ZNF469: variants seen among roughly 807,000 people sequenced by gnomAD.
ZNF469 encodes zinc finger protein 469.
A neutral mutation model predicts 1.0 loss-of-function variants in ZNF469; 1 was observed. The observed-to-expected ratio is 1.00, with a 90% CI of 0.35 to 4.73. The LOEUF is 4.73. Ranked by LOEUF, ZNF469 falls within the 30% of genes most tolerant of loss-of-function variation. The pLI is 0.16. For synonymous variants in ZNF469, 2,703 were observed against 2,363.4 expected (o/e 1.14, Z -4.17); for missense variants, 6,100 against 5,356.3 (o/e 1.14, Z -4.33).
chr16:88,153,304 C>A, the ZNF469 span, among the ~76,000 whole-genome samples: 1 of 152,192 alleles, frequency 6.6e-6, no homozygotes, highest in Non-Finnish European at 1.5e-5. Context: ...GGGCTCCACA[C>A]TGAGCACCCT....
the ZNF469 span, among the ~76,000 whole-genome samples, chr16:88,109,794 C>T: frequency 1.1e-4 from 17 of 152,142 alleles, no homozygotes; most frequent in Non-Finnish European, 2.4e-4. Context: ...CGTCTGTGTC[C>T]ACGCTGTCTC....
At chr16:88,365,058 T>C in the ZNF469 span, among the ~76,000 whole-genome samples, 1 of 152,218 alleles carries the variant, frequency 6.6e-6, no homozygotes, top group East Asian at 1.9e-4. Flanking sequence ...TTATTTCAAA[T>C]GGTATCAATT....
intron 1 of ZNF469, among the ~76,000 whole-genome samples, chr16:88,385,881 G>T (rs1195138758): frequency 6.6e-6 from 1 of 152,174 alleles, no homozygotes; most frequent in Non-Finnish European, 1.5e-5. Flanking sequence ...CCTGGCACAG[G>T]CCTGGCACAC....
the ZNF469 span, among the ~76,000 whole-genome samples, chr16:88,327,285 C>G: frequency 6.6e-6 from 1 of 152,150 alleles, no homozygotes; most frequent in Non-Finnish European, 1.5e-5. Flanking sequence ...TCTCCATCCA[C>G]TCAGCCTCAC....
the ZNF469 span, among the ~76,000 whole-genome samples, chr16:88,167,995 G>A: frequency 1.3e-5 from 2 of 152,384 alleles, no homozygotes; most frequent in East Asian, 3.9e-4. Flanking sequence ...ATGCAGTTTG[G>A]CGGGCGGGTC....
Position 88,439,398 on chromosome 16 carries a change from C to A in ZNF469, c.*66C>A. 6.6e-7 allele frequency: 1 copy of A among 1,520,486 alleles called. No individual in the cohort carries two copies. Among genetic ancestry groups the A allele is most frequent in the Non-Finnish European group, 8.9e-7 (1 of 1,121,172 alleles). The allele number at this position is 1,520,486 out of a possible 1,614,324, so 94.2% of individuals were successfully genotyped here. A position where few individuals can be genotyped will look rare whatever the true frequency, so the allele number is the denominator to read the frequency against. ...TGTCTCGGCCTGCCTCCTTGGCCAG[C>A]TCCGGCTCCCTGAGATGGTCCACTC... On this transcript the variant is annotated 3_prime_UTR_variant, in exon 3 of 3. Transcript: ENST00000565624.
chr16:88,330,546 G>T, the ZNF469 span, among the ~76,000 whole-genome samples: 2 of 152,222 alleles, frequency 1.3e-5, no homozygotes, highest in Non-Finnish European at 2.9e-5. Flanking sequence ...GCATGTCTTT[G>T]GTTCTCACTG....
the ZNF469 span, among the ~76,000 whole-genome samples, chr16:88,205,959 G>T: frequency 6.6e-6 from 1 of 152,120 alleles, no homozygotes; most frequent in Admixed American, 6.5e-5. The surrounding 1 kb of genome is among the most constrained non-coding windows in gnomAD (Gnocchi z 4.2). Context: ...CAGAGGAAGG[G>T]GGGGGCCCAG....
the ZNF469 span, among the ~76,000 whole-genome samples, chr16:88,280,334 C>T: frequency 4.0e-5 from 6 of 151,762 alleles, no homozygotes; most frequent in Middle Eastern, 3.2e-3. Context: ...GTTAGTGCTG[C>T]GCTACGCCGA....
chr16:88,423,675 C>T (rs1345302990), intron 1 of ZNF469, among the ~76,000 whole-genome samples: 1 of 152,204 alleles, frequency 6.6e-6, no homozygotes, highest in East Asian at 1.9e-4. Flanking sequence ...AAAGGCCCAA[C>T]GGAGTCTGGG....
At chr16:88,247,584 A>G in the ZNF469 span, among the ~76,000 whole-genome samples, 2 of 135,988 alleles carry the variant, frequency 1.5e-5, no homozygotes, top group Non-Finnish European at 1.6e-5. Context: ...GAGTGAGTGA[A>G]TGACTGAGTG....
chr16:88,110,435 C>G, the ZNF469 span, among the ~76,000 whole-genome samples: 1 of 152,380 alleles, frequency 6.6e-6, no homozygotes, highest in South Asian at 2.1e-4. Context: ...GGCTGGCTCT[C>G]CCAGGTGTCG....
At chr16:88,255,193 T>C in the ZNF469 span, among the ~76,000 whole-genome samples, 41,124 of 152,222 alleles carry the variant, frequency 0.27, 6,713 homozygotes, top group Middle Eastern at 0.45. Flanking sequence ...CTCTTGCCAA[T>C]GTGCAGATGC....
the ZNF469 span, among the ~76,000 whole-genome samples, chr16:88,271,368 C>T: frequency 2.4e-4 from 30 of 125,906 alleles, 2 homozygotes; most frequent in East Asian, 9.4e-4. Context: ...CTTCGCAGAC[C>T]ATGAGGGTGA....
chr16:88,175,600 C>A, the ZNF469 span, among the ~76,000 whole-genome samples: 1 of 152,162 alleles, frequency 6.6e-6, no homozygotes, highest in Non-Finnish European at 1.5e-5. Flanking sequence ...ACTCATGTTT[C>A]AAAGAAGAAA....
the ZNF469 span, among the ~76,000 whole-genome samples, chr16:88,193,216 G>T: frequency 5.9e-5 from 6 of 102,558 alleles, 1 homozygote; most frequent in Admixed American, 1.9e-4. Context: ...GGGGATGGTG[G>T]TGATGGTGGT....
the ZNF469 span, among the ~76,000 whole-genome samples, chr16:88,335,820 G>A: frequency 6.6e-6 from 1 of 150,936 alleles, no homozygotes; most frequent in East Asian, 1.9e-4. Flanking sequence ...ACACTGATGC[G>A]CCAATACCAC....
the ZNF469 span, among the ~76,000 whole-genome samples, chr16:88,298,945 C>A: frequency 6.6e-6 from 1 of 152,214 alleles, no homozygotes; most frequent in Non-Finnish European, 1.5e-5. Flanking sequence ...TCTCTGAGAC[C>A]TGGGGGAGCA....
the ZNF469 span, chr16:88,177,584 A>G: frequency 6.6e-6 from 1 of 152,278 alleles, no homozygotes; most frequent in African/African-American, 2.4e-5. The surrounding 1 kb of genome is among the most constrained non-coding windows in gnomAD (Gnocchi z 4.8). Flanking sequence ...CGAAACCAGC[A>G]GACCCTGCCT....
Sources: gnomAD v4.1 joint callset for allele counts (sites outside exome capture counted in the v4.1 genomes callset) on GRCh38, gnomAD v4.1.1 for gene constraint, Gnocchi (gnomAD v3.1) non-coding constraint, MANE v1.5 for transcripts, NCBI Gene and HGNC (gene_info 2026-07-23, HGNC 2026-07-21) for gene names.